Variants in CDH16 observed in about 807,000 individuals in gnomAD.
CDH16 encodes the protein cadherin 16.
In CDH16, 79 loss-of-function variants were observed where a neutral mutation model predicts 87.6. The observed-to-expected ratio is 0.90, with a 90% confidence interval of 0.75 to 1.09. CDH16 has a LOEUF of 1.09. Ranked by LOEUF, CDH16 falls within the 50% of genes least tolerant of loss-of-function variation. The probability of loss-of-function intolerance (pLI) is 0.00; values close to 1 mark genes in which losing one functional copy is unlikely to be tolerated. For synonymous variants in CDH16, 457 were observed against 439.5 expected, an observed-to-expected ratio of 1.04 and a Z score of -0.50; for missense variants, 1,124 against 1,071.7, an observed-to-expected ratio of 1.05 and a Z score of -0.68.
rs759219869 is a variant in CDH16, at chr16:66,913,270, C to G, written c.915G>C (p.Gln305His). 6.4e-7 allele frequency: 1 copy of G among 1,555,768 alleles called. No individual in the cohort carries two copies. The highest frequency in any genetic ancestry group is 1.9e-5 in the Admixed American group (1 of 53,402). Residue 305 changes from glutamine (Q) to histidine (H), a missense_variant, in exon 9 of 18, where the codon CAG (glutamine) becomes CAC (histidine). Physicochemically the swap from Gln to His is conservative, Grantham distance 24. Transcript: ENST00000299752. The part of the protein sequence containing the change: ...DREAQAEYLL[Q>H]VRAQNSHGED... Reference sequence around the variant, plus strand: ...CGCCATGGGAATTCTGAGCCCGCACCTGGAGCAGGTACTGCGGTGGGCAGT... The same window carrying G: ...CGCCATGGGAATTCTGAGCCCGCACGTGGAGCAGGTACTGCGGTGGGCAGT...
At position 66,909,736 on chromosome 16, in the gene CDH16, T is replaced by C. The variant is rs566077550; in HGVS notation, c.2275+250A>G. 7.9e-5 allele frequency among the ~76,000 whole-genome samples: 12 copies of C among 152,114 alleles called. No homozygotes were observed. The highest frequency in any genetic ancestry group is 4.2e-4 in the South Asian group (2 of 4,814). On this transcript the variant is annotated intron_variant, in intron 16 of 17. Transcript: ENST00000299752. The surrounding 1 kb of genome is among the most constrained non-coding windows in gnomAD (Gnocchi z 4.1). ...GCTTGAATCTGGGAGGCGGAAGTTGTAGTGAGCCGAGATCATGCCACTACA... is the reference window on the plus strand; with the variant it reads ...GCTTGAATCTGGGAGGCGGAAGTTGCAGTGAGCCGAGATCATGCCACTACA...
chr16:66,912,708 A>T lies in CDH16; in HGVS notation c.1238T>A (p.Ile413Asn). Reference sequence around the variant, plus strand: ...GTCCATGGCCAGCACCAGAAGCAGGATGTTCTGGCCTGCTCGGAGTGGGAG... The same window carrying T: ...GTCCATGGCCAGCACCAGAAGCAGGTTGTTCTGGCCTGCTCGGAGTGGGAG... ...GVLPLRAGQN[I>N]LLLVLAMDLA... Residue 413 changes from isoleucine to asparagine, a missense_variant, in exon 10 of 18, where the codon ATC (isoleucine) becomes AAC (asparagine). By Grantham distance (149) the Ile-to-Asn change is moderately radical. Coordinates refer to ENST00000299752, the MANE Select transcript of CDH16 (RefSeq NM_004062.4). 1 of 1,613,962 alleles carries T rather than the reference A, an allele frequency of 6.2e-7. No individual in the cohort carries two copies. The highest frequency in any genetic ancestry group is 8.5e-7 in the Non-Finnish European group (1 of 1,180,012).
rs1962694950 is a variant in CDH16 at position 66,916,565 on chromosome 16, C to A, written c.130-136G>T. The A allele has an allele frequency of 2.1e-6, 2 of 953,252 alleles. No homozygotes were observed. Among genetic ancestry groups the A allele is most frequent in the Admixed American group, 5.9e-5 (2 of 33,872 alleles). The allele number at this position is 953,252 out of a possible 1,614,324, so 59.0% of individuals were successfully genotyped here. On this transcript the variant is annotated intron_variant, in intron 3 of 17. Transcript: ENST00000299752. The surrounding 1 kb of genome is among the most constrained non-coding windows in gnomAD (Gnocchi z 4.1). ...TGGCTCCTGTCAGAGGTCACACAGCCAGTAAGCATCAGGACTGAGACTCAG... is the reference window on the plus strand; with the variant it reads ...TGGCTCCTGTCAGAGGTCACACAGCAAGTAAGCATCAGGACTGAGACTCAG...
chr16:66,913,626 C>A lies in CDH16; in HGVS notation c.781-13G>T, dbSNP rs772306010. 6.2e-7 allele frequency: 1 copy of A among 1,613,364 alleles called. No individual in the cohort carries two copies. Among genetic ancestry groups the A allele is most frequent in the African/African-American group, 1.3e-5 (1 of 75,032 alleles). On this transcript the variant is annotated splice_polypyrimidine_tract_variant and intron_variant, in intron 7 of 17. Coordinates refer to ENST00000299752, the MANE Select transcript of CDH16 (RefSeq NM_004062.4). ...CACTCCAGTGTACCTGGGGGGGACA[C>A]CCCGGGCCAAGGGGCAGGAACAATC...
At chr16:66,914,624 C>T (rs1050240004) in intron 6 of CDH16, among the ~76,000 whole-genome samples, 9 of 152,312 alleles carry the variant, frequency 5.9e-5, no homozygotes, top group South Asian at 2.1e-4. Flanking sequence ...CTCCACACAA[C>T]GAATGCGTGA....
rs1567538088 is a variant in CDH16, at chr16:66,918,001, G to A, written c.45+20C>T. On this transcript the variant is annotated intron_variant, in intron 2 of 17. Coordinates refer to ENST00000299752, the MANE Select transcript of CDH16 (RefSeq NM_004062.4). The stretch of plus-strand genomic sequence containing the variant: ...CCCCAAAGCCAAGACCTGAAGGAGA[G>A]GGGGCAGGGCCTAGCTCACCTGGGG... 1 of 1,563,472 alleles carries A rather than the reference G, an allele frequency of 6.4e-7. No individual in the cohort carries two copies. The highest frequency in any genetic ancestry group is 8.7e-7 in the Non-Finnish European group (1 of 1,153,746).
Position 66,909,864 on chromosome 16 carries a change from G to A in CDH16, c.2275+122C>T, listed in dbSNP as rs1261990716. 7.0e-6 allele frequency: 5 copies of A among 710,848 alleles called. No individual in the cohort carries two copies. In the South Asian group the frequency reaches 7.1e-5, roughly 10 times the overall value. 44.0% of individuals were successfully genotyped at this position (710,848 alleles called of 1,614,324 possible). Reference sequence around the variant, plus strand: ...GGTATGTGTGCCCAGCCATAGGTGTGCAAGTGTGCACAGGCATGTGCTGTC... The same window carrying A: ...GGTATGTGTGCCCAGCCATAGGTGTACAAGTGTGCACAGGCATGTGCTGTC... On this transcript the variant is annotated intron_variant, in intron 16 of 17. Transcript: ENST00000299752. This position sits in a 1 kb window ranked among gnomAD's most constrained non-coding sequence, Gnocchi z 4.1.
chr16:66,917,620 CA>C, intron 3 of CDH16, 21 bp downstream of exon 3: 1 of 1,594,928 alleles, frequency 6.3e-7, no homozygotes, highest in Non-Finnish European at 8.6e-7. Context: ...CCCCCGGCCC[CA>C]ACCCCAGCTC....
intron 3 of CDH16, among the ~76,000 whole-genome samples, chr16:66,917,419 T>C (rs1223673298): frequency 6.6e-6 from 1 of 152,104 alleles, no homozygotes; most frequent in African/African-American, 2.4e-5. Context: ...ATGATATATA[T>C]GCAAATATTC....
In CDH16 at chr16:66,916,138, C is replaced by T; in HGVS notation, c.351G>A (p.Lys117=). The T allele has an allele frequency of 6.2e-7, 1 of 1,614,250 alleles. No homozygotes were observed. Among genetic ancestry groups the T allele is most frequent in the Admixed American group, 1.7e-5 (1 of 60,030 alleles). ...WGPQPVLVHV[K]DENDQVPHFS... is the part of the protein sequence containing the mutation. ...AATGGGGCACCTGGTCATTCTCATCCTTCACGTGCACAAGCACAGGCTGTG... is the reference window on the plus strand; with the variant it reads ...AATGGGGCACCTGGTCATTCTCATCTTTCACGTGCACAAGCACAGGCTGTG... Residue 117 remains lysine (K), a synonymous_variant, in exon 5 of 18, where the codon AAG becomes AAA. Transcript: ENST00000299752. The surrounding 1 kb of genome is among the most constrained non-coding windows in gnomAD (Gnocchi z 4.1).
intron 5 of CDH16, 42 bp from the exon 6 acceptor site, chr16:66,915,420 G>A (rs748070337): frequency 6.3e-7 from 1 of 1,591,200 alleles, no homozygotes; most frequent in Admixed American, 1.7e-5. Flanking sequence ...GATAGAGAGG[G>A]TGGGGAGAGT....
chr16:66,910,603 G>A, intron 14 of CDH16, 101 bp from the exon 15 acceptor site: 1 of 1,243,146 alleles, frequency 8.0e-7, no homozygotes, highest in Non-Finnish European at 1.1e-6. Context: ...TCGCCTTATA[G>A]ACTCCCCTGC....
At position 66,913,204 on chromosome 16, in the gene CDH16, C is replaced by T. The variant is rs753067804; in HGVS notation, c.981G>A (p.Met327Ile). The T allele has an allele frequency of 1.2e-6, 2 of 1,600,420 alleles. No individual in the cohort carries two copies. The highest frequency in any genetic ancestry group is 1.7e-6 in the Non-Finnish European group (2 of 1,173,702). ...AGATAGGCACGTTGTCATTCTCATC[C>T]ATCACCAGCACGTGCAGCTCCAGAG... is the stretch of plus-strand genomic sequence containing the variant. Reference protein sequence around the residue: ...AAPLELHVLVMDENDNVPICP... With the variant: ...AAPLELHVLVIDENDNVPICP... The change falls in exon 9 of 18, where the codon ATG becomes ATA. Residue 327 changes from methionine to isoleucine, a missense_variant. Transcript: ENST00000299752.
In CDH16 at chr16:66,908,381, G is replaced by T; in HGVS notation, c.*11C>A. 1 of 1,610,164 alleles carries T rather than the reference G, an allele frequency of 6.2e-7. No individual in the cohort carries two copies. The highest frequency in any genetic ancestry group is 8.5e-7 in the Non-Finnish European group (1 of 1,176,868). On this transcript the variant is annotated 3_prime_UTR_variant, in exon 18 of 18. Coordinates refer to ENST00000299752, the MANE Select transcript of CDH16 (RefSeq NM_004062.4). The stretch of plus-strand genomic sequence containing the variant: ...AGAGGCCAAGCTCCCAGCTAGAGCT[G>T]CCTGGGCCATTCAGACAGTCGCCTT...
At position 66,916,274 on chromosome 16, in the gene CDH16, C is replaced by G. The variant is rs1186882250; in HGVS notation, c.285G>C (p.Gln95His). 2 of 1,613,720 alleles carry G rather than the reference C, an allele frequency of 1.2e-6. No individual in the cohort carries two copies. Among genetic ancestry groups the G allele is most frequent in the Non-Finnish European group, 1.7e-6 (2 of 1,179,614 alleles). Reference sequence around the variant, plus strand: ...TCCCCTACACCTGGCCCAGCCATACCTGTAGCTGGTACTCTGCCTGCTCCT... The same window carrying G: ...TCCCCTACACCTGGCCCAGCCATACGTGTAGCTGGTACTCTGCCTGCTCCT... Reference protein sequence around the residue: ...DREEQAEYQLQVTLEMQDGHV... With the variant: ...DREEQAEYQLHVTLEMQDGHV... The change falls in exon 4 of 18, where the codon CAG (glutamine) becomes CAC (histidine). Residue 95 changes from glutamine (Q) to histidine (H), a missense_variant and splice_region_variant. By Grantham distance (24) the Gln-to-His change is conservative. Coordinates refer to ENST00000299752, the MANE Select transcript of CDH16 (RefSeq NM_004062.4). This position sits in a 1 kb window ranked among gnomAD's most constrained non-coding sequence, Gnocchi z 4.1.
Position 66,908,286 on chromosome 16 carries a change from C to T in CDH16, c.*106G>A. ...CTCCACCCCAGGGCAGATGGAGGGG[C>T]TTCTACTCTGTCCTGTCCCCTGCTG... is the stretch of plus-strand genomic sequence containing the variant. On this transcript the variant is annotated 3_prime_UTR_variant, in exon 18 of 18. Transcript: ENST00000299752. 1.1e-6 allele frequency: 1 copy of T among 884,356 alleles called. No homozygotes were observed. The highest frequency in any genetic ancestry group is 1.4e-5 in the South Asian group (1 of 70,046). 54.8% of individuals were successfully genotyped at this position (884,356 alleles called of 1,614,324 possible).
In CDH16 at chr16:66,909,265, A is replaced by G. The variant is rs2145444191; in HGVS notation, c.2392+2T>C. 1 of 1,588,874 alleles carries G rather than the reference A, an allele frequency of 6.3e-7. No homozygotes were observed. Among genetic ancestry groups the G allele is most frequent in the East Asian group, 2.2e-5 (1 of 44,768 alleles). On this transcript the variant is annotated splice_donor_variant, in intron 17 of 17. Coordinates refer to ENST00000299752, the MANE Select transcript of CDH16 (RefSeq NM_004062.4). LOFTEE classifies it high-confidence loss of function. The surrounding 1 kb of genome is among the most constrained non-coding windows in gnomAD (Gnocchi z 4.1). ...ACGCAGGTAATGTCCAACCTCCATTACCTATTGCTACCAGGGTGCCTACAA... is the reference window on the plus strand; with the variant it reads ...ACGCAGGTAATGTCCAACCTCCATTGCCTATTGCTACCAGGGTGCCTACAA...
At chr16:66,917,325 A>C (rs1223555879) in intron 3 of CDH16, among the ~76,000 whole-genome samples, 1 of 152,052 alleles carries the variant, frequency 6.6e-6, no homozygotes, top group Non-Finnish European at 1.5e-5. Flanking sequence ...GTATAACGTT[A>C]CCTTCAGGCT....
chr16:66,914,175 A>G, intron 7 of CDH16, 41 bp downstream of exon 7: 1 of 1,564,102 alleles, frequency 6.4e-7, no homozygotes, highest in East Asian at 2.3e-5. Context: ...TGGCTGCACC[A>G]TCCATGGGGC....
Sources: gnomAD v4.1 joint callset for allele counts (sites outside exome capture counted in the v4.1 genomes callset) on GRCh38, gnomAD v4.1.1 for gene constraint, Gnocchi (gnomAD v3.1) non-coding constraint, MANE v1.5 for transcripts, NCBI Gene and HGNC (gene_info 2026-07-23, HGNC 2026-07-21) for gene names.